LMTK2: variants seen among roughly 807,000 people sequenced by gnomAD.
The protein encoded by LMTK2 is lemur tail kinase 2.
LMTK2 carries 37 observed loss-of-function variants against 127.5 expected under a neutral mutation model. The ratio of observed to expected loss-of-function variants is 0.29; its 90% CI spans 0.22 to 0.38. LMTK2 has a LOEUF of 0.38. Ranked by LOEUF, LMTK2 falls within the 10% of genes least tolerant of loss-of-function variation. LMTK2 has a pLI of 1.00. For synonymous variants in LMTK2, 819 were observed against 810.1 expected (o/e 1.01, Z -0.19); for missense variants, 1,694 against 1,920.3 (o/e 0.88, Z 2.20).
chr7:98,167,604 G>A (rs749617339), intron 6 of LMTK2, among the ~76,000 whole-genome samples: 72 of 152,226 alleles, frequency 4.7e-4, no homozygotes, highest in Non-Finnish European at 1.0e-3. Flanking sequence ...TTCACTTTTG[G>A]TCTGACGCAC....
intron 5 of LMTK2, among the ~76,000 whole-genome samples, chr7:98,158,418 T>C (rs1796961309): frequency 6.6e-6 from 1 of 152,126 alleles, no homozygotes; most frequent in Admixed American, 6.5e-5. Flanking sequence ...GGGACCACAG[T>C]TGCGCGTCCC....
At chr7:98,184,348 G>A (rs1369736282) in intron 7 of LMTK2, among the ~76,000 whole-genome samples, 1 of 151,994 alleles carries the variant, frequency 6.6e-6, no homozygotes, top group Non-Finnish European at 1.5e-5. Context: ...TCTTTTCCTG[G>A]TGCTGGCTGT....
At chr7:98,152,965 G>A (rs1213806342) in intron 4 of LMTK2, among the ~76,000 whole-genome samples, 1 of 152,178 alleles carries the variant, frequency 6.6e-6, no homozygotes, top group Non-Finnish European at 1.5e-5. Context: ...CATGGACTGT[G>A]GAGGAAGAGG....
intron 1 of LMTK2, among the ~76,000 whole-genome samples, chr7:98,135,173 T>C (rs535283232): frequency 2.9e-4 from 44 of 152,330 alleles, no homozygotes; most frequent in African/African-American, 1.0e-3. Context: ...TTTGCTCACC[T>C]AGGAGTTTGG....
At chr7:98,195,887 TG>T (rs1339663815) in intron 11 of LMTK2, among the ~76,000 whole-genome samples, 1 of 152,122 alleles carries the variant, frequency 6.6e-6, no homozygotes, top group African/African-American at 2.4e-5. Flanking sequence ...GGGAAGTGGA[TG>T]TTTAAAAAAT....
intron 6 of LMTK2, among the ~76,000 whole-genome samples, chr7:98,159,693 A>G (rs369449387): frequency 6.6e-6 from 1 of 152,140 alleles, no homozygotes; most frequent in South Asian, 2.1e-4. Context: ...AGGTACCAAT[A>G]TTTGTCCATA....
At chr7:98,122,786 TG>T (rs1796384309) in intron 1 of LMTK2, among the ~76,000 whole-genome samples, 1 of 151,444 alleles carries the variant, frequency 6.6e-6, no homozygotes, top group Non-Finnish European at 1.5e-5. Flanking sequence ...CCCAAAGTGC[TG>T]GGCTTACAGG....
Position 98,137,334 on chromosome 7 carries a change from A to G in LMTK2, c.123A>G (p.Ala41=), listed in dbSNP as rs757145310. 1.6e-5 allele frequency: 26 copies of G among 1,611,072 alleles called. No individual in the cohort carries two copies. The South Asian group carries it at 2.2e-4, about 14-fold the overall frequency. Residue 41 remains alanine (A), a synonymous_variant, in exon 2 of 14, where the codon GCA becomes GCG. Coordinates refer to ENST00000297293, the MANE Select transcript of LMTK2 (RefSeq NM_014916.4). The part of the protein sequence containing the change: ...QTGAGEAPPA[A]EVSSSFVILC... The stretch of plus-strand genomic sequence containing the variant: ...TTCCAGGGGAGGCGCCACCTGCTGC[A>G]GAAGTTTCCTCATCTTTTGTGATCC...
At chr7:98,204,350 A>C (rs961920930) in intron 13 of LMTK2, among the ~76,000 whole-genome samples, 164 bp downstream of exon 13, 1 of 152,146 alleles carries the variant, frequency 6.6e-6, no homozygotes, top group African/African-American at 2.4e-5. Context: ...AGCTGGGTGC[A>C]GTGACTCCTG....
At chr7:98,187,335 C>T (rs564315614) in intron 9 of LMTK2, among the ~76,000 whole-genome samples, 9 of 152,256 alleles carry the variant, frequency 5.9e-5, no homozygotes, top group African/African-American at 2.2e-4. Flanking sequence ...GGGGTGTGGA[C>T]TATCATGTTT....
chr7:98,162,586 T>C (rs1357041402), intron 6 of LMTK2, among the ~76,000 whole-genome samples: 1 of 152,210 alleles, frequency 6.6e-6, no homozygotes, highest in East Asian at 1.9e-4. Context: ...CGGTCACTCC[T>C]GAACATCCCG....
At chr7:98,162,862 G>C (rs1797035204) in intron 6 of LMTK2, among the ~76,000 whole-genome samples, 1 of 152,228 alleles carries the variant, frequency 6.6e-6, no homozygotes, top group East Asian at 1.9e-4. Context: ...ACTATTCACA[G>C]TAGCTGGGAG....
chr7:98,148,716 C>CA (rs1408664293), intron 3 of LMTK2, among the ~76,000 whole-genome samples: 1 of 152,022 alleles, frequency 6.6e-6, no homozygotes, highest in African/African-American at 2.4e-5. Context: ...AGAAAGAAAA[C>CA]AAAAAATATT....
At chr7:98,138,305 C>T (rs1796625223) in intron 2 of LMTK2, among the ~76,000 whole-genome samples, 1 of 152,186 alleles carries the variant, frequency 6.6e-6, no homozygotes, top group Non-Finnish European at 1.5e-5. Context: ...CGTCTTCTGG[C>T]TAAAGCCTTG....
At chr7:98,140,218 C>A (rs1796674747) in intron 2 of LMTK2, among the ~76,000 whole-genome samples, 1 of 148,946 alleles carries the variant, frequency 6.7e-6, no homozygotes, top group East Asian at 2.0e-4. Flanking sequence ...CTCGCTCTAT[C>A]ACCCAGCCTT....
In LMTK2 at chr7:98,207,363, C is replaced by G. The variant is rs1797822313; in HGVS notation, c.*1871C>G. 1 of 152,172 alleles carries G rather than the reference C, an allele frequency of 6.6e-6. No individual in the cohort carries two copies. Among genetic ancestry groups the G allele is most frequent in the African/African-American group, 2.4e-5 (1 of 41,436 alleles). The allele number at this position is 152,172 out of a possible 1,614,324, so 9.4% of individuals were successfully genotyped here. A position where few individuals can be genotyped will look rare whatever the true frequency, so the allele number is the denominator to read the frequency against. On this transcript the variant is annotated 3_prime_UTR_variant, in exon 14 of 14. Coordinates refer to ENST00000297293, the MANE Select transcript of LMTK2 (RefSeq NM_014916.4). ...GACCTTCATTGCCAGTTCCACCCTA[C>G]TCCTCTCATTTTTTATACTAAGCAA...
intron 7 of LMTK2, among the ~76,000 whole-genome samples, chr7:98,173,340 GT>G (rs1797223316): frequency 6.6e-6 from 1 of 151,312 alleles, no homozygotes; most frequent in African/African-American, 2.4e-5. Context: ...AAAGTTACCA[GT>G]TTCTTAAGAC....
intron 7 of LMTK2, among the ~76,000 whole-genome samples, chr7:98,178,236 T>C (rs185750494): frequency 6.6e-6 from 1 of 152,210 alleles, no homozygotes; most frequent in Non-Finnish European, 1.5e-5. Flanking sequence ...GAATCCAGAT[T>C]ACTCGGGAAA....
intron 7 of LMTK2, among the ~76,000 whole-genome samples, chr7:98,180,578 G>T (rs1036614860): frequency 1.3e-5 from 2 of 152,144 alleles, no homozygotes; most frequent in Non-Finnish European, 2.9e-5. Flanking sequence ...TAATTGTTCT[G>T]TGTCTTGAAA....
Sources: allele counts gnomAD v4.1 joint callset (sites outside exome capture counted in the v4.1 genomes callset), GRCh38; gene constraint gnomAD v4.1.1; transcripts MANE v1.5; gene names NCBI Gene and HGNC (gene_info 2026-07-23, HGNC 2026-07-21).